SPTBN1: variants seen among roughly 807,000 people sequenced by gnomAD.
The protein encoded by SPTBN1 is spectrin beta chain, non-erythrocytic 1.
SPTBN1 carries 32 observed loss-of-function variants against 266.4 expected under a neutral mutation model. The ratio of observed to expected loss-of-function variants is 0.12; its 90% CI spans 0.09 to 0.16. The LOEUF (loss-of-function observed/expected upper bound fraction) is 0.16, where lower values mean the gene tolerates loss of function less well. SPTBN1 is among the 10% of genes least tolerant of loss of function. The probability of loss-of-function intolerance (pLI) is 1.00; values close to 1 mark genes in which losing one functional copy is unlikely to be tolerated. For missense variants in SPTBN1, 2,296 were observed against 3,067.1 expected, an observed-to-expected ratio of 0.75 and a Z score of 5.94; for synonymous variants, 1,336 against 1,162.2, an observed-to-expected ratio of 1.15 and a Z score of -3.04.
At chr2:54,580,586 T>A (rs1674825666) in intron 2 of SPTBN1, among the ~76,000 whole-genome samples, 1 of 148,670 alleles carries the variant, frequency 6.7e-6, no homozygotes, top group African/African-American at 2.6e-5. Context: ...GTATTCATAT[T>A]CTCACACTTT....
At chr2:54,566,399 G>A (rs922241249) in intron 2 of SPTBN1, among the ~76,000 whole-genome samples, 8 of 151,904 alleles carry the variant, frequency 5.3e-5, no homozygotes, top group Non-Finnish European at 1.2e-4. Context: ...TGTTGGCCAG[G>A]CTGATCTCCA....
At chr2:54,611,321 A>G (rs1677196526) in intron 3 of SPTBN1, among the ~76,000 whole-genome samples, 1 of 152,180 alleles carries the variant, frequency 6.6e-6, no homozygotes, top group African/African-American at 2.4e-5. Flanking sequence ...GTGCATTTGA[A>G]TAGTTCAGGC....
intron 1 of SPTBN1, among the ~76,000 whole-genome samples, chr2:54,462,901 G>T (rs1309212476): frequency 6.6e-6 from 1 of 152,228 alleles, no homozygotes; most frequent in Non-Finnish European, 1.5e-5. Context: ...GATAGTCTCA[G>T]TCATATTCTC....
chr2:54,480,981 T>G (rs966436335), intron 1 of SPTBN1, among the ~76,000 whole-genome samples: 1 of 152,174 alleles, frequency 6.6e-6, no homozygotes, highest in African/African-American at 2.4e-5. Flanking sequence ...ATTTCACTTG[T>G]CAATGTAGAG....
rs761072718 is a variant in SPTBN1, at chr2:54,629,133, G to A, written c.1999G>A (p.Gly667Arg). The A allele has an allele frequency of 6.2e-7, 1 of 1,613,622 alleles. No homozygotes were observed. The highest frequency in any genetic ancestry group is 2.2e-5 in the East Asian group (1 of 44,886). The change falls in exon 14 of 36, where the codon GGG becomes AGG. Residue 667 changes from glycine to arginine, a missense_variant. Transcript: ENST00000356805. The part of the protein sequence containing the change: ...KEKILSSDDY[G>R]KDLTSVMRLL... ...GAAGATCCTGTCCTCGGACGATTAC[G>A]GGAAAGACCTGACCAGCGTCATGCG... is the stretch of plus-strand genomic sequence containing the variant.
At chr2:54,511,970 G>T (rs1485557666) in intron 1 of SPTBN1, among the ~76,000 whole-genome samples, 1 of 152,180 alleles carries the variant, frequency 6.6e-6, no homozygotes, top group East Asian at 1.9e-4. Context: ...ATCGGCAGGG[G>T]TGATAGAAGA....
At chr2:54,627,891 T>A (rs116588700) in intron 12 of SPTBN1, among the ~76,000 whole-genome samples, 19 of 152,076 alleles carry the variant, frequency 1.2e-4, no homozygotes, top group Non-Finnish European at 2.4e-4. Flanking sequence ...CCTTAGTTTG[T>A]GATAGCTCTC....
At chr2:54,627,785 TCC>T (rs57499955) in intron 12 of SPTBN1, among the ~76,000 whole-genome samples, 1 of 52,740 alleles carries the variant, frequency 1.9e-5, no homozygotes, top group Admixed American at 2.2e-4. Flanking sequence ...CACTGCCCCC[TCC>T]CCCCCACCCT....
At chr2:54,529,761 T>C in intron 2 of SPTBN1, 1 of 637,600 alleles carries the variant, frequency 1.6e-6, no homozygotes, top group African/African-American at 1.9e-5. Flanking sequence ...CACTGGCTCC[T>C]GATTATGATG....
intron 26 of SPTBN1, among the ~76,000 whole-genome samples, chr2:54,651,357 A>G (rs1680271899): frequency 8.3e-6 from 1 of 120,008 alleles, no homozygotes; most frequent in African/African-American, 3.6e-5. Flanking sequence ...TCTGCACCTC[A>G]CCATACCCAC....
At chr2:54,584,167 AATATT>A (rs1675130433) in intron 2 of SPTBN1, among the ~76,000 whole-genome samples, 1 of 152,224 alleles carries the variant, frequency 6.6e-6, no homozygotes, top group Non-Finnish European at 1.5e-5. Context: ...TGCATTCAGT[AATATT>A]ATATGGCCAC....
chr2:54,612,016 G>A, intron 3 of SPTBN1, 145 bp from the exon 4 acceptor site: 1 of 749,146 alleles, frequency 1.3e-6, no homozygotes, highest in South Asian at 3.3e-5. Flanking sequence ...ACCGTCCTTG[G>A]ACTTAATGAG....
Position 54,668,348 on chromosome 2 carries a change from C to A in SPTBN1, c.6877-3C>A. Reference sequence around the variant, plus strand: ...TCTCACCTGTGTCCCTTCCTCTGTCCAGGAGGAAATGAACACATGGATCCA... The same window carrying A: ...TCTCACCTGTGTCCCTTCCTCTGTCAAGGAGGAAATGAACACATGGATCCA... On this transcript the variant is annotated splice_polypyrimidine_tract_variant and splice_region_variant and intron_variant, in intron 35 of 35. Transcript: ENST00000356805. 1 of 1,613,302 alleles carries A rather than the reference C, an allele frequency of 6.2e-7. No individual in the cohort carries two copies. Among genetic ancestry groups the A allele is most frequent in the Non-Finnish European group, 8.5e-7 (1 of 1,179,264 alleles).
chr2:54,567,782 C>A (rs898682626), intron 2 of SPTBN1, among the ~76,000 whole-genome samples: 1 of 152,060 alleles, frequency 6.6e-6, no homozygotes, highest in Non-Finnish European at 1.5e-5. Context: ...ATGCTTTATT[C>A]TCTCTCTATA....
chr2:54,561,044 C>T (rs910288576), intron 2 of SPTBN1, among the ~76,000 whole-genome samples: 4 of 152,180 alleles, frequency 2.6e-5, no homozygotes, highest in Admixed American at 1.3e-4. Flanking sequence ...TAATTTTGTA[C>T]ATTCCTGCAA....
chr2:54,632,603 T>G lies in SPTBN1; in HGVS notation c.3602T>G (p.Leu1201Trp). Residue 1201 changes from leucine (L) to tryptophan (W), a missense_variant, in exon 17 of 36, where the codon TTG becomes TGG. Physicochemically the swap from Leu to Trp is moderately conservative, Grantham distance 61. Around this residue, in one of 12 missense-constraint regions of SPTBN1, gnomAD observed 386 missense variants for 486.1 expected, o/e 0.79. Transcript: ENST00000356805. ...VLAHTEMPTT[L>W]EGAEAAIKKQ... ...GCTCACACTGAAATGCCTACCACCT[T>G]GGAAGGAGCTGAAGCAGCAATTAAA... The G allele has an allele frequency of 6.2e-7, 1 of 1,614,180 alleles. No individual in the cohort carries two copies. The highest frequency in any genetic ancestry group is 8.5e-7 in the Non-Finnish European group (1 of 1,180,032).
chr2:54,586,826 T>C (rs1007819517), intron 2 of SPTBN1, among the ~76,000 whole-genome samples: 2 of 152,234 alleles, frequency 1.3e-5, no homozygotes, highest in Non-Finnish European at 2.9e-5. Flanking sequence ...GGTACTGTTA[T>C]CTTGTTGGCG....
rs781087718 is a variant in SPTBN1 at position 54,668,379 on chromosome 2, T to C, written c.6905T>C (p.Ile2302Thr). Residue 2302 changes from isoleucine to threonine, a missense_variant, in exon 36 of 36, where the codon ATC (isoleucine) becomes ACC (threonine). Around this residue, in one of 12 missense-constraint regions of SPTBN1, gnomAD observed 347 missense variants for 368.5 expected, o/e 0.94. Transcript: ENST00000356805. Reference sequence around the variant, plus strand: ...GAAATGAACACATGGATCCAGGCTATCTCTTCCGCCATCTCCTCTGATAAA... The same window carrying C: ...GAAATGAACACATGGATCCAGGCTACCTCTTCCGCCATCTCCTCTGATAAA... ...DEEMNTWIQA[I>T]SSAISSDKHE... 2 of 1,614,106 alleles carry C rather than the reference T, an allele frequency of 1.2e-6. No homozygotes were observed.
At chr2:54,617,079 A>T (rs1355714457) in intron 5 of SPTBN1, among the ~76,000 whole-genome samples, 1 of 152,248 alleles carries the variant, frequency 6.6e-6, no homozygotes, top group East Asian at 1.9e-4. Flanking sequence ...AATATGGTAT[A>T]GAATAGCTGA....
Sources: allele counts gnomAD v4.1 joint callset (sites outside exome capture counted in the v4.1 genomes callset), GRCh38; gene constraint gnomAD v4.1.1; regional missense constraint gnomAD v4.1.1; transcripts MANE v1.5; gene names NCBI Gene and HGNC (gene_info 2026-07-23, HGNC 2026-07-21).